WDR17: variants seen among roughly 807,000 people sequenced by gnomAD.
WDR17 encodes the protein WD repeat domain 17.
A neutral mutation model predicts 161.7 loss-of-function variants in WDR17; 143 were observed. That is an observed-to-expected ratio of 0.88 (90% CI 0.77 to 1.02). WDR17 has a LOEUF of 1.02. Ranked by LOEUF, WDR17 falls within the 50% of genes least tolerant of loss-of-function variation. The pLI is 0.00. For synonymous variants in WDR17, 517 were observed against 515.6 expected (o/e 1.00, Z -0.04); for missense variants, 1,469 against 1,520.9 (o/e 0.97, Z 0.57).
intron 1 of WDR17, among the ~76,000 whole-genome samples, chr4:176,070,865 C>T (rs1733144071): frequency 6.6e-6 from 1 of 152,048 alleles, no homozygotes; most frequent in Non-Finnish European, 1.5e-5. Context: ...TCTAAGCATC[C>T]ATTTGATTTT....
chr4:176,121,706 A>G (rs1384654480), intron 4 of WDR17, among the ~76,000 whole-genome samples: 1 of 152,200 alleles, frequency 6.6e-6, no homozygotes, highest in African/African-American at 2.4e-5. Context: ...GTTTCAAGCC[A>G]TAAGACATTG....
intron 1 of WDR17, among the ~76,000 whole-genome samples, chr4:176,069,584 A>G (rs951758862): frequency 2.6e-5 from 4 of 152,166 alleles, no homozygotes; most frequent in Non-Finnish European, 4.4e-5. Flanking sequence ...GGAGAACTCA[A>G]GATTGAGGTC....
At chr4:176,078,257 A>G (rs563051446) in intron 1 of WDR17, among the ~76,000 whole-genome samples, 10 of 152,272 alleles carry the variant, frequency 6.6e-5, no homozygotes, top group African/African-American at 9.6e-5. Flanking sequence ...AAATAAATAA[A>G]TGAACACATT....
chr4:176,156,632 C>T (rs1474046546), intron 18 of WDR17, among the ~76,000 whole-genome samples: 1 of 151,392 alleles, frequency 6.6e-6, no homozygotes, highest in Admixed American at 6.6e-5. Flanking sequence ...ATGCAATAAC[C>T]CGACAAGATT....
chr4:176,167,656 A>AT (rs1554036528), intron 22 of WDR17, among the ~76,000 whole-genome samples: 1 of 116,232 alleles, frequency 8.6e-6, no homozygotes, highest in African/African-American at 2.9e-5. Context: ...AAAAAAAAAA[A>AT]AAAAAAAAAA....
chr4:176,132,817 G>C lies in WDR17; in HGVS notation c.1098+1079G>C, dbSNP rs574114436. Reference sequence around the variant, plus strand: ...TCAAACAAATTTATGAAAGGGAAGGGAGAAAAACATAAGAATACACTTAAA... The same window carrying C: ...TCAAACAAATTTATGAAAGGGAAGGCAGAAAAACATAAGAATACACTTAAA... On this transcript the variant is annotated intron_variant, in intron 7 of 28. Transcript: ENST00000508596. 3.3e-5 allele frequency among the ~76,000 whole-genome samples: 5 copies of C among 151,782 alleles called. No individual in the cohort carries two copies. In the South Asian group the frequency reaches 1.0e-3, roughly 32 times the overall value.
intron 1 of WDR17, among the ~76,000 whole-genome samples, chr4:176,098,824 G>T (rs1737329402): frequency 6.6e-6 from 1 of 150,472 alleles, no homozygotes; most frequent in African/African-American, 2.4e-5. Context: ...TATTTTTTTT[G>T]AAATAGCTAT....
chr4:176,162,204 T>C, intron 21 of WDR17, 30 bp downstream of exon 21: 8 of 1,592,512 alleles, frequency 5.0e-6, no homozygotes, highest in Non-Finnish European at 6.0e-6. Context: ...TTTATGTGAA[T>C]GAAAAGTTTT....
Position 176,159,471 on chromosome 4 carries a change from C to T in WDR17, c.2526-523C>T, listed in dbSNP as rs551654162. ...GTCTGGAACATTATTTTCCTTTAATCTTCCTCACTTAAGGCACTTAAGACA... is the reference window on the plus strand; with the variant it reads ...GTCTGGAACATTATTTTCCTTTAATTTTCCTCACTTAAGGCACTTAAGACA... On this transcript the variant is annotated intron_variant, in intron 18 of 28. Coordinates refer to ENST00000508596, the MANE Select transcript of WDR17 (RefSeq NM_181265.4). Among the ~76,000 whole-genome samples the T allele has an allele frequency of 2.0e-5, 3 of 152,254 alleles. No individual in the cohort carries two copies. In the East Asian group the frequency reaches 5.8e-4, roughly 29 times the overall value.
intron 11 of WDR17, among the ~76,000 whole-genome samples, chr4:176,144,111 C>T (rs190925097): frequency 2.0e-5 from 3 of 151,590 alleles, no homozygotes; most frequent in Admixed American, 2.0e-4. Context: ...ATACTGGCCC[C>T]CTTACCTAGG....
intron 22 of WDR17, among the ~76,000 whole-genome samples, chr4:176,164,348 A>G (rs533669191): frequency 1.3e-5 from 2 of 152,312 alleles, no homozygotes; most frequent in South Asian, 2.1e-4. Flanking sequence ...AAATGCTCCA[A>G]TATCCAAAAC....
chr4:176,148,488 A>G (rs1176319976), intron 13 of WDR17, among the ~76,000 whole-genome samples, 153 bp downstream of exon 13: 1 of 152,242 alleles, frequency 6.6e-6, no homozygotes, highest in Non-Finnish European at 1.5e-5. Context: ...GTTTATTATT[A>G]TAATACCAGA....
At chr4:176,179,383 A>G in intron 28 of WDR17, 77 bp from the exon 29 acceptor site, 3 of 1,316,616 alleles carry the variant, frequency 2.3e-6, no homozygotes, top group Non-Finnish European at 3.0e-6. Flanking sequence ...TATTGCAGTG[A>G]TTCTCTTTCT....
intron 17 of WDR17, among the ~76,000 whole-genome samples, chr4:176,154,149 A>G (rs1747681337): frequency 6.6e-6 from 1 of 152,186 alleles, no homozygotes; most frequent in Non-Finnish European, 1.5e-5. Context: ...TCATCGATGT[A>G]CTTAATGATC....
intron 22 of WDR17, among the ~76,000 whole-genome samples, chr4:176,167,658 A>AAAAAAAAAAAC (rs1750038465): frequency 7.2e-5 from 5 of 69,672 alleles, no homozygotes; most frequent in Non-Finnish European, 1.0e-4. Flanking sequence ...AAAAAAAAAA[A>AAAAAAAAAAAC]AAAAAAAAAA....
At chr4:176,133,335 G>T (rs1579143906) in intron 7 of WDR17, among the ~76,000 whole-genome samples, 1 of 77,366 alleles carries the variant, frequency 1.3e-5, no homozygotes, top group Non-Finnish European at 2.5e-5. Context: ...AATCTAAAAA[G>T]TAAATTCTGC....
At chr4:176,171,466 G>A (rs1750727720) in intron 23 of WDR17, among the ~76,000 whole-genome samples, 1 of 152,086 alleles carries the variant, frequency 6.6e-6, no homozygotes. Context: ...TTATATATAT[G>A]AGAGCCCCGT....
chr4:176,101,937 A>G (rs1057215136), intron 1 of WDR17, among the ~76,000 whole-genome samples: 3 of 152,202 alleles, frequency 2.0e-5, no homozygotes, highest in Non-Finnish European at 2.9e-5. Flanking sequence ...AGAAGGTAAC[A>G]TAAGAGAAAA....
At chr4:176,079,077 G>T (rs1734414842) in intron 1 of WDR17, among the ~76,000 whole-genome samples, 1 of 151,932 alleles carries the variant, frequency 6.6e-6, no homozygotes, top group African/African-American at 2.4e-5. Context: ...CTCTTTAGTT[G>T]TATGATACCA....
Sources: allele counts gnomAD v4.1 joint callset (sites outside exome capture counted in the v4.1 genomes callset), GRCh38; gene constraint gnomAD v4.1.1; transcripts MANE v1.5; gene names NCBI Gene and HGNC (gene_info 2026-07-23, HGNC 2026-07-21).